Variants in BLTP1 observed in about 807,000 individuals in gnomAD.
The protein encoded by BLTP1 is bridge-like lipid transfer protein family member 1.
At chr4:122,281,228 G>C in the BLTP1 span, 1 of 822,190 alleles carries the variant, frequency 1.2e-6, no homozygotes, top group African/African-American at 1.9e-5. Flanking sequence ...GCGTGTAATA[G>C]TTAAGTGATA....
the BLTP1 span, chr4:122,225,546 A>G: frequency 6.6e-6 from 1 of 152,188 alleles, no homozygotes; most frequent in South Asian, 2.1e-4. Context: ...CAAGAAAGTA[A>G]TAAAGAACCT....
At chr4:122,174,690 A>G in the BLTP1 span, 2 of 1,356,046 alleles carry the variant, frequency 1.5e-6, no homozygotes, top group African/African-American at 1.5e-5. Context: ...CCCATGTTAA[A>G]CATACTTTAA....
At chr4:122,314,913 C>A in the BLTP1 span, among the ~76,000 whole-genome samples, 13 of 152,144 alleles carry the variant, frequency 8.5e-5, no homozygotes, top group African/African-American at 3.1e-4. Context: ...CCCTTAGGAA[C>A]TACTAGAACC....
At chr4:122,273,094 C>T in the BLTP1 span, 40 of 378,808 alleles carry the variant, frequency 1.1e-4, no homozygotes, top group Non-Finnish European at 1.3e-4. Context: ...TTATATAAAA[C>T]CAGTGTGGTT....
the BLTP1 span, among the ~76,000 whole-genome samples, chr4:122,223,589 G>T: frequency 6.6e-6 from 1 of 152,214 alleles, no homozygotes; most frequent in African/African-American, 2.4e-5. Context: ...AGCGCCACAA[G>T]GTGAGGTAGG....
chr4:122,208,167 C>T, the BLTP1 span: 2 of 924,394 alleles, frequency 2.2e-6, no homozygotes, highest in Non-Finnish European at 2.6e-6. Context: ...ATCTATTAAA[C>T]ATTTTCTGGG....
the BLTP1 span, chr4:122,198,092 G>A: frequency 1.0e-6 from 1 of 985,338 alleles, no homozygotes; most frequent in Non-Finnish European, 1.2e-6. Flanking sequence ...GGTGCTGTAA[G>A]AGGAAAGCAG....
chr4:122,228,681 G>A, the BLTP1 span, among the ~76,000 whole-genome samples: 3 of 151,414 alleles, frequency 2.0e-5, no homozygotes, highest in Admixed American at 1.3e-4. Context: ...TAAAATTAAT[G>A]TGGATTGTCT....
At chr4:122,298,512 G>A in the BLTP1 span, 12 of 261,930 alleles carry the variant, frequency 4.6e-5, no homozygotes, top group East Asian at 1.8e-4. Flanking sequence ...AATTGCAACC[G>A]TATCTTAGAA....
the BLTP1 span, chr4:122,207,925 GT>G: frequency 1.0e-6 from 1 of 983,802 alleles, no homozygotes; most frequent in Non-Finnish European, 1.2e-6. Context: ...TAGCTCTAAT[GT>G]TTACTAATTC....
At chr4:122,317,147 C>T in the BLTP1 span, among the ~76,000 whole-genome samples, 1 of 152,026 alleles carries the variant, frequency 6.6e-6, no homozygotes, top group Non-Finnish European at 1.5e-5. Flanking sequence ...GCCTGGGTGA[C>T]ATGGTGAAAC....
At chr4:122,347,643 C>T in the BLTP1 span, 5 of 1,613,936 alleles carry the variant, frequency 3.1e-6, no homozygotes, top group Non-Finnish European at 4.2e-6. Flanking sequence ...CCTTCACCCA[C>T]ATGCCTCAGT....
chr4:122,347,486 T>C, the BLTP1 span: 2 of 1,585,536 alleles, frequency 1.3e-6, no homozygotes, highest in South Asian at 2.3e-5. Flanking sequence ...CCCTGTTACT[T>C]TGGATTTTTT....
the BLTP1 span, chr4:122,207,093 TACCCC>T: frequency 6.3e-7 from 1 of 1,583,842 alleles, no homozygotes; most frequent in East Asian, 2.3e-5. Context: ...TTCTATTCAC[TACCCC>T]AATAATTTTA....
the BLTP1 span, chr4:122,172,133 TA>T: frequency 1.4e-5 from 4 of 284,354 alleles, no homozygotes; most frequent in East Asian, 3.5e-4. Flanking sequence ...TCAAAGCTAT[TA>T]CCATCAATCT....
chr4:122,344,398 G>A, the BLTP1 span: 1 of 1,613,794 alleles, frequency 6.2e-7, no homozygotes. Context: ...TGGATGAGGA[G>A]CCCACTTCAG....
the BLTP1 span, among the ~76,000 whole-genome samples, chr4:122,216,111 C>T: frequency 9.9e-5 from 15 of 151,340 alleles, no homozygotes; most frequent in African/African-American, 3.4e-4. Flanking sequence ...ATCTATCTAT[C>T]TATCTATCTA....
chr4:122,308,015 A>T, the BLTP1 span: 1 of 1,613,568 alleles, frequency 6.2e-7, no homozygotes, highest in Non-Finnish European at 8.5e-7. Flanking sequence ...ATGGCTTTAC[A>T]TAAGGATATT....
the BLTP1 span, among the ~76,000 whole-genome samples, chr4:122,294,441 C>G: frequency 1.1e-4 from 16 of 152,158 alleles, no homozygotes; most frequent in African/African-American, 3.9e-4. Context: ...TTCACTGATA[C>G]CTGGTGCAGG....
Sources: allele counts gnomAD v4.1 joint callset (sites outside exome capture counted in the v4.1 genomes callset), GRCh38; gene constraint gnomAD v4.1.1; transcripts MANE v1.5; gene names NCBI Gene and HGNC (gene_info 2026-07-23, HGNC 2026-07-21).